The following HUWE1 variants were observed in gnomAD, a reference collection of about 807,000 sequenced individuals.
HUWE1 encodes the protein HECT, UBA and WWE domain containing E3 ubiquitin protein ligase 1.
HUWE1 carries 18 observed loss-of-function variants against 299.4 expected under a neutral mutation model. The observed-to-expected ratio is 0.06, with a 90% CI of 0.04 to 0.09. The LOEUF (loss-of-function observed/expected upper bound fraction) is 0.09, where lower values mean the gene tolerates loss of function less well. Among genes scored for constraint, HUWE1 ranks in the 10% least tolerant of loss-of-function variants. The pLI is 1.00. For synonymous variants in HUWE1, 1,317 were observed against 1,286.1 expected, an observed-to-expected ratio of 1.02 and a Z score of -0.51; for missense variants, 1,832 against 3,462.3, an observed-to-expected ratio of 0.53 and a Z score of 11.82.
intron 43 of HUWE1, among the ~76,000 whole-genome samples, chrX:53,578,007 T>G (rs2063259922): frequency 8.8e-6 from 1 of 113,093 alleles, no homozygotes; most frequent in Admixed American, 9.2e-5. Flanking sequence ...GAGGAGCCCC[T>G]CTGCCTGGCT....
rs1321555282 is a variant in HUWE1 at position 53,569,022 on chromosome X, C to T, written c.6525-148G>A. 4 of 489,220 alleles carry T rather than the reference C, an allele frequency of 8.2e-6. No individual in the cohort carries two copies. In the African/African-American group the frequency reaches 9.4e-5, roughly 12 times the overall value. 40.3% of individuals were successfully genotyped at this position (489,220 alleles called of 1,213,427 possible). A position where few individuals can be genotyped will look rare whatever the true frequency, so the allele number is the denominator to read the frequency against. On this transcript the variant is annotated intron_variant, in intron 48 of 83. Coordinates refer to ENST00000262854, the MANE Select transcript of HUWE1 (RefSeq NM_031407.7). ...AAACAAACAGGTGAGAACACACTCC[C>T]TAAGGTGATAGCATTCGTTTTCTCT...
At chrX:53,660,300 T>C (rs1214972929) in intron 3 of HUWE1, among the ~76,000 whole-genome samples, 1 of 112,029 alleles carries the variant, frequency 8.9e-6, no homozygotes, top group Non-Finnish European at 1.9e-5. Context: ...GTTATTTGCA[T>C]GAGTGGCGCT....
At chrX:53,561,124 G>A (rs1556940666) in intron 55 of HUWE1, among the ~76,000 whole-genome samples, 4 of 112,289 alleles carry the variant, frequency 3.6e-5, no homozygotes, top group Non-Finnish European at 5.6e-5. Context: ...AAAGAGGTAA[G>A]AGATTAATTG....
At chrX:53,587,535 G>GA (rs1482944487) in intron 37 of HUWE1, among the ~76,000 whole-genome samples, 5 of 111,758 alleles carry the variant, frequency 4.5e-5, no homozygotes, top group Admixed American at 3.8e-4. Flanking sequence ...AAATGAACAG[G>GA]AAAAAACACT....
Position 53,539,320 on chromosome X carries a change from TAAAAAA to T in HUWE1, c.11633-246_11633-241del, listed in dbSNP as rs34154526. Among the ~76,000 whole-genome samples the T allele has an allele frequency of 2.8e-3, 147 of 52,839 alleles. 1 individual carries two copies. Among genetic ancestry groups the T allele is most frequent in the African/African-American group, 9.0e-3 (128 of 14,223 alleles). 45.9% of individuals were successfully genotyped at this position (52,839 alleles called of 115,157 possible). A position where few individuals can be genotyped will look rare whatever the true frequency, so the allele number is the denominator to read the frequency against. On this transcript the variant is annotated intron_variant, in intron 75 of 83. Coordinates refer to ENST00000262854, the MANE Select transcript of HUWE1 (RefSeq NM_031407.7). ...ACATAGTGAGACCTCATTTCTGATT[TAAAAAA>T]AAAAAAAAAAAAAAAAAAGAAACAA...
chrX:53,643,222 T>C (rs1603238907), intron 7 of HUWE1, among the ~76,000 whole-genome samples: 1 of 112,135 alleles, frequency 8.9e-6, no homozygotes, highest in East Asian at 2.8e-4. Flanking sequence ...AAGAATTCTT[T>C]CCCCACCATT....
At chrX:53,629,184 CCT>C (rs782740939) in intron 13 of HUWE1, among the ~76,000 whole-genome samples, 31 of 111,139 alleles carry the variant, frequency 2.8e-4, no homozygotes, top group Middle Eastern at 4.6e-3. Flanking sequence ...ATGCAGGATC[CCT>C]GATTCAAAAA....
chrX:53,539,448 C>G (rs1305223978), intron 75 of HUWE1, among the ~76,000 whole-genome samples: 1 of 111,407 alleles, frequency 9.0e-6, no homozygotes, highest in Non-Finnish European at 1.9e-5. Context: ...AAAGATTCCC[C>G]TTGTCTATAA....
chrX:53,636,355 AAAC>A (rs201590758), intron 7 of HUWE1, among the ~76,000 whole-genome samples: 1,545 of 112,977 alleles, frequency 0.014, 14 homozygotes, highest in Middle Eastern at 0.023. Flanking sequence ...CAGAAGTTTA[AAAC>A]AACTAGGGAA....
intron 6 of HUWE1, 149 bp from the exon 7 acceptor site, chrX:53,645,612 C>T: frequency 1.7e-6 from 1 of 576,729 alleles, no homozygotes; most frequent in Non-Finnish European, 2.7e-6. Context: ...ACTCGGGAGG[C>T]TGAGGCAGGA....
intron 11 of HUWE1, 22 bp downstream of exon 11, chrX:53,631,392 A>C: frequency 9.0e-7 from 1 of 1,113,356 alleles, no homozygotes; most frequent in Non-Finnish European, 1.2e-6. Context: ...CATCCTGTGG[A>C]TGTTTTAAAG....
intron 19 of HUWE1, among the ~76,000 whole-genome samples, chrX:53,618,904 T>C (rs1603133508): frequency 9.3e-6 from 1 of 107,830 alleles, no homozygotes; most frequent in Non-Finnish European, 1.9e-5. Context: ...ATCCAGGTAA[T>C]AGAGAGGCAC....
At chrX:53,545,279 TA>T (rs1476498470) in intron 70 of HUWE1, 118 bp from the exon 71 acceptor site, 1 of 715,808 alleles carries the variant, frequency 1.4e-6, no homozygotes. Context: ...GCAGAGAACC[TA>T]GAGTGAGCTG....
chrX:53,547,695 CGTG>C lies in HUWE1; in HGVS notation c.10611_10613del (p.Thr3539del). The C allele has an allele frequency of 8.3e-7, 1 of 1,209,730 alleles. No individual in the cohort carries two copies. Among genetic ancestry groups the C allele is most frequent in the Admixed American group, 2.2e-5 (1 of 45,925 alleles). On this transcript the variant is annotated inframe_deletion, in exon 68 of 84. Transcript: ENST00000262854. ...TACTTGAAACAGTAGTGGTAGCAGT[CGTG>C]GGGGTAGTCACTGTGGTCGAAGCAG... is the stretch of plus-strand genomic sequence containing the variant.
At chrX:53,682,791 G>A (rs2070242537) in intron 2 of HUWE1, among the ~76,000 whole-genome samples, 1 of 111,517 alleles carries the variant, frequency 9.0e-6, no homozygotes, top group South Asian at 3.8e-4. Flanking sequence ...CAGGCTTGCA[G>A]GGGAAATGGA....
chrX:53,649,947 CAG>C (rs1410120628), intron 4 of HUWE1, among the ~76,000 whole-genome samples: 5 of 112,047 alleles, frequency 4.5e-5, no homozygotes, highest in Admixed American at 3.8e-4. Context: ...TAGCTGGTGG[CAG>C]AGGACAGCAC....
chrX:53,647,240 C>T, intron 6 of HUWE1, 128 bp downstream of exon 6: 1 of 535,321 alleles, frequency 1.9e-6, no homozygotes, highest in Non-Finnish European at 3.3e-6. Context: ...CTACTATTAT[C>T]TTTGACAATG....
intron 76 of HUWE1, 132 bp downstream of exon 76, chrX:53,538,697 TACACAC>T (rs781962529): frequency 2.9e-4 from 125 of 433,465 alleles, no homozygotes; most frequent in Non-Finnish European, 3.8e-4. Flanking sequence ...TGTGTGTATG[TACACAC>T]ACACACACAC....
At chrX:53,634,167 T>G (rs1557024813) in intron 8 of HUWE1, 69 bp downstream of exon 8, 1 of 843,950 alleles carries the variant, frequency 1.2e-6, no homozygotes, top group Non-Finnish European at 1.8e-6. Flanking sequence ...CACAATTCAT[T>G]GTAAAGTAAG....
Sources: gnomAD v4.1 joint callset for allele counts (sites outside exome capture counted in the v4.1 genomes callset) on GRCh38, gnomAD v4.1.1 for gene constraint, MANE v1.5 for transcripts, NCBI Gene and HGNC (gene_info 2026-07-23, HGNC 2026-07-21) for gene names.